PCDHGA8: variants seen among roughly 807,000 people sequenced by gnomAD.
The protein encoded by PCDHGA8 is protocadherin gamma subfamily A, 8, also known as protocadherin gamma-A8.
Under a neutral mutation model 59.2 loss-of-function variants are expected in PCDHGA8, and 45 were observed. The observed-to-expected ratio is 0.76, with a 90% CI of 0.60 to 0.98. The LOEUF (loss-of-function observed/expected upper bound fraction) is 0.98, where lower values mean the gene tolerates loss of function less well. Among genes scored for constraint, PCDHGA8 ranks in the 50% least tolerant of loss-of-function variants. The pLI, the probability that PCDHGA8 is intolerant of heterozygous loss-of-function variation, is 0.00. For missense variants in PCDHGA8, 1,257 were observed against 1,196.2 expected, an observed-to-expected ratio of 1.05 and a Z score of -0.75; for synonymous variants, 531 against 519.0, an observed-to-expected ratio of 1.02 and a Z score of -0.32.
rs765751691 is a variant in PCDHGA8 at position 141,431,363 on chromosome 5, C to G, written c.2424+36126C>G. The G allele has an allele frequency of 6.2e-7, 1 of 1,614,024 alleles. No individual in the cohort carries two copies. The highest frequency in any genetic ancestry group is 2.2e-5 in the East Asian group (1 of 44,882). ...ATTGGTGCTGAAACGCGCCCTGGAC[C>G]GCGAAGAAAAGGCTGCTCACCACCT... is the stretch of plus-strand genomic sequence containing the variant. On this transcript the variant is annotated intron_variant, in intron 1 of 3. Transcript: ENST00000398604. This position sits in a 1 kb window ranked among gnomAD's most constrained non-coding sequence, Gnocchi z 4.8.
intron 3 of PCDHGA8, 122 bp downstream of exon 3, chr5:141,505,603 G>A (rs900982128): frequency 6.5e-7 from 1 of 1,534,594 alleles, no homozygotes; most frequent in African/African-American, 1.4e-5. Flanking sequence ...TCTTTCGGCA[G>A]GTCTGAAAGG....
chr5:141,488,866 G>C (rs957501628), intron 1 of PCDHGA8, among the ~76,000 whole-genome samples: 1 of 152,148 alleles, frequency 6.6e-6, no homozygotes, highest in East Asian at 1.9e-4. Context: ...GAAGTGAGTG[G>C]GGAGGTAGGA....
At chr5:141,427,007 C>T (rs1215109574) in intron 1 of PCDHGA8, 2 of 456,668 alleles carry the variant, frequency 4.4e-6, no homozygotes, top group Admixed American at 2.3e-5. Flanking sequence ...CAGTTTTTAG[C>T]CAGGATGTAT....
chr5:141,482,885 A>G (rs1353686606), intron 1 of PCDHGA8, among the ~76,000 whole-genome samples: 2 of 152,202 alleles, frequency 1.3e-5, no homozygotes. Flanking sequence ...CAGCCTGGCC[A>G]ACATGGTGAA....
chr5:141,509,308 C>G (rs943174290), intron 3 of PCDHGA8, among the ~76,000 whole-genome samples: 6 of 152,152 alleles, frequency 3.9e-5, no homozygotes, highest in African/African-American at 1.4e-4. Flanking sequence ...CAGAGGGAGG[C>G]TGGGAGAGAA....
Position 141,486,319 on chromosome 5 carries a change from C to T in PCDHGA8, c.2425-8488C>T, listed in dbSNP as rs148184642. The T allele has an allele frequency of 1.7e-4, 268 of 1,614,058 alleles. No individual in the cohort carries two copies. The African/African-American group carries it at 1.7e-3, about 10-fold the overall frequency. Reference sequence around the variant, plus strand: ...TGCAGGATCCAGACTCAGGGTCAAACGGAGATGTGAGCCTCCGCATTCCTG... The same window carrying T: ...TGCAGGATCCAGACTCAGGGTCAAATGGAGATGTGAGCCTCCGCATTCCTG... On this transcript the variant is annotated intron_variant, in intron 1 of 3. Transcript: ENST00000398604. The surrounding 1 kb of genome is among the most constrained non-coding windows in gnomAD (Gnocchi z 5.0).
In PCDHGA8 at chr5:141,486,369, C is replaced by T; in HGVS notation, c.2425-8438C>T. 8 of 1,614,128 alleles carry T rather than the reference C, an allele frequency of 5.0e-6. No homozygotes were observed. The highest frequency in any genetic ancestry group is 6.8e-6 in the Non-Finnish European group (8 of 1,179,996). On this transcript the variant is annotated intron_variant, in intron 1 of 3. Coordinates refer to ENST00000398604, the MANE Select transcript of PCDHGA8 (RefSeq NM_032088.2). The surrounding 1 kb of genome is among the most constrained non-coding windows in gnomAD (Gnocchi z 5.0). ...GACCACTTGCCATTTGCCCTCAAGT[C>T]TGCCTTCAGGAACCAGTTCTCCCTG...
chr5:141,395,797 A>G (rs56946131), intron 1 of PCDHGA8: 16,957 of 151,702 alleles, frequency 0.11, 1,119 homozygotes, highest in African/African-American at 0.18. Flanking sequence ...ACTTCTTACC[A>G]TCCTTCAAAA....
chr5:141,451,523 A>G (rs1035983001), intron 1 of PCDHGA8, among the ~76,000 whole-genome samples: 1 of 152,200 alleles, frequency 6.6e-6, no homozygotes, highest in African/African-American at 2.4e-5. Flanking sequence ...AGAGCAAGTA[A>G]AGGAGAGTGC....
chr5:141,432,035 G>C lies in PCDHGA8; in HGVS notation c.2424+36798G>C. 6 of 1,614,218 alleles carry C rather than the reference G, an allele frequency of 3.7e-6. No homozygotes were observed. Among genetic ancestry groups the C allele is most frequent in the Non-Finnish European group, 5.1e-6 (6 of 1,180,046 alleles). ...CTACAACATCACAGTGACCGCCACT[G>C]ACCGGGGAACCCCGCCCCTATCCAC... On this transcript the variant is annotated intron_variant, in intron 1 of 3. Coordinates refer to ENST00000398604, the MANE Select transcript of PCDHGA8 (RefSeq NM_032088.2). The surrounding 1 kb of genome is among the most constrained non-coding windows in gnomAD (Gnocchi z 6.0).
chr5:141,409,715 G>C (rs2095305446), intron 1 of PCDHGA8: 9 of 1,613,084 alleles, frequency 5.6e-6, no homozygotes, highest in Admixed American at 1.7e-5. Flanking sequence ...GTCGTCATAC[G>C]TGTCAGTGAG....
At chr5:141,420,006 G>C (rs2096458103) in intron 1 of PCDHGA8, 2 of 1,613,934 alleles carry the variant, frequency 1.2e-6, no homozygotes, top group Admixed American at 3.3e-5. Flanking sequence ...CTACGCCTGC[G>C]ACAGTCTTTC....
intron 1 of PCDHGA8, chr5:141,423,091 G>GCGTAC (rs2096708211): frequency 2.5e-6 from 4 of 1,613,908 alleles, no homozygotes; most frequent in African/African-American, 2.7e-5. Context: ...CGCGGTGGGG[G>GCGTAC]AGCACACGGG....
chr5:141,450,556 G>A lies in PCDHGA8; in HGVS notation c.2425-44251G>A, dbSNP rs534127421. Among the ~76,000 whole-genome samples, 5 of 151,822 alleles carry A rather than the reference G, an allele frequency of 3.3e-5. 1 individual carries two copies. Among genetic ancestry groups the A allele is most frequent in the South Asian group, 2.1e-4 (1 of 4,804 alleles). On this transcript the variant is annotated intron_variant, in intron 1 of 3. Transcript: ENST00000398604. ...GGCTGGAATGCAGTGGCGCAGTCTCGGCTCACTGCAACTTCTGCCTCCCAG... is the reference window on the plus strand; with the variant it reads ...GGCTGGAATGCAGTGGCGCAGTCTCAGCTCACTGCAACTTCTGCCTCCCAG...
rs375363587 is a variant in PCDHGA8 at position 141,414,524 on chromosome 5, A to G, written c.2424+19287A>G. On this transcript the variant is annotated intron_variant, in intron 1 of 3. Coordinates refer to ENST00000398604, the MANE Select transcript of PCDHGA8 (RefSeq NM_032088.2). ...TTTATGCTACAAGTGGCAGATATCA[A>G]TGACAACCCACCTACCTTCTCTCAA... 105 of 1,613,844 alleles carry G rather than the reference A, an allele frequency of 6.5e-5. 1 individual carries two copies. In the South Asian group the frequency reaches 7.2e-4, roughly 11 times the overall value.
At position 141,423,166 on chromosome 5, in the gene PCDHGA8, G is replaced by A. The variant is rs367805855; in HGVS notation, c.2424+27929G>A. ...GCTCAAGCAGAGCCTCGTGGTGGCC[G>A]TCCAGGACCACGGCCAGCCCCCTCT... On this transcript the variant is annotated intron_variant, in intron 1 of 3. Transcript: ENST00000398604. 2.4e-5 allele frequency: 38 copies of A among 1,613,476 alleles called. No individual in the cohort carries two copies. The South Asian group carries it at 2.5e-4, about 11-fold the overall frequency.
chr5:141,444,695 CCT>C (rs2154560766), intron 1 of PCDHGA8, among the ~76,000 whole-genome samples: 1 of 152,134 alleles, frequency 6.6e-6, no homozygotes, highest in South Asian at 2.1e-4. Flanking sequence ...AAAATATTTT[CCT>C]CTTTCTGTTG....
chr5:141,477,180 C>T lies in PCDHGA8; in HGVS notation c.2425-17627C>T. On this transcript the variant is annotated intron_variant, in intron 1 of 3. Coordinates refer to ENST00000398604, the MANE Select transcript of PCDHGA8 (RefSeq NM_032088.2). This position sits in a 1 kb window ranked among gnomAD's most constrained non-coding sequence, Gnocchi z 4.9. ...GACAACGCCCCGGAGATCACAGTCA[C>T]CTCCGTGTACAGCCCAGTACCCGAG... 1 of 1,614,196 alleles carries T rather than the reference C, an allele frequency of 6.2e-7. No homozygotes were observed. The highest frequency in any genetic ancestry group is 8.5e-7 in the Non-Finnish European group (1 of 1,180,032).
intron 1 of PCDHGA8, among the ~76,000 whole-genome samples, chr5:141,473,910 A>G (rs1165685707): frequency 6.6e-6 from 1 of 152,168 alleles, no homozygotes; most frequent in Non-Finnish European, 1.5e-5. Flanking sequence ...AAGAGGTCTT[A>G]AGAAAACTAT....
Sources: gnomAD v4.1 joint callset for allele counts (sites outside exome capture counted in the v4.1 genomes callset) on GRCh38, gnomAD v4.1.1 for gene constraint, Gnocchi (gnomAD v3.1) non-coding constraint, MANE v1.5 for transcripts, NCBI Gene and HGNC (gene_info 2026-07-23, HGNC 2026-07-21) for gene names.